ADSS2: variants seen among roughly 807,000 people sequenced by gnomAD.
The protein encoded by ADSS2 is adenylosuccinate synthetase isozyme 2.
ADSS2 carries 30 observed loss-of-function variants against 60.0 expected under a neutral mutation model. The ratio of observed to expected loss-of-function variants is 0.50; its 90% CI spans 0.37 to 0.68. ADSS2 has a LOEUF of 0.68. Ranked by LOEUF, ADSS2 falls within the 30% of genes least tolerant of loss-of-function variation. The probability of loss-of-function intolerance (pLI) is 0.00; values close to 1 mark genes in which losing one functional copy is unlikely to be tolerated. For missense variants in ADSS2, 373 were observed against 554.8 expected, an observed-to-expected ratio of 0.67 and a Z score of 3.29; for synonymous variants, 187 against 193.1, an observed-to-expected ratio of 0.97 and a Z score of 0.26.
intron 1 of ADSS2, among the ~76,000 whole-genome samples, chr1:244,443,707 GT>G (rs903494593): frequency 5.9e-5 from 9 of 152,208 alleles, no homozygotes; most frequent in African/African-American, 1.4e-4. Flanking sequence ...ATTTGACATT[GT>G]TTTTTTCAGT....
chr1:244,413,180 T>C (rs1401535541), intron 11 of ADSS2, among the ~76,000 whole-genome samples: 1 of 152,140 alleles, frequency 6.6e-6, no homozygotes, highest in African/African-American at 2.4e-5. Flanking sequence ...TAAGACTATA[T>C]TGGTATGGGA....
At chr1:244,446,794 T>C (rs1193087586) in intron 1 of ADSS2, among the ~76,000 whole-genome samples, 2 of 152,232 alleles carry the variant, frequency 1.3e-5, no homozygotes, top group African/African-American at 4.8e-5. Flanking sequence ...ACACAGCTCT[T>C]TGTAAATGTT....
intron 9 of ADSS2, among the ~76,000 whole-genome samples, 168 bp from the exon 10 acceptor site, chr1:244,417,920 G>A (rs985950617): frequency 2.0e-5 from 3 of 151,696 alleles, no homozygotes; most frequent in South Asian, 4.2e-4. Flanking sequence ...ATCTGAGGGA[G>A]GCATTATTTG....
At chr1:244,412,393 T>C (rs1664435596) in intron 11 of ADSS2, among the ~76,000 whole-genome samples, 1 of 152,130 alleles carries the variant, frequency 6.6e-6, no homozygotes, top group South Asian at 2.1e-4. Flanking sequence ...CCAGGAATGG[T>C]TAGAGGAAGA....
chr1:244,410,985 G>A (rs1295760635), intron 12 of ADSS2, among the ~76,000 whole-genome samples: 1 of 152,134 alleles, frequency 6.6e-6, no homozygotes, highest in Non-Finnish European at 1.5e-5. Context: ...CAGCACTTTG[G>A]GAGGCTGAGG....
rs762500569 is a variant in ADSS2, at chr1:244,417,741, T to C, written c.957A>G (p.Glu319=). The change falls in exon 10 of 13, where the codon GAA becomes GAG. Residue 319 remains glutamate (E), a synonymous_variant. Coordinates refer to ENST00000366535, the MANE Select transcript of ADSS2 (RefSeq NM_001126.5). ...FPTEQDNEIG[E]LLQTRGREFG... is the part of the protein sequence containing the mutation. ...ACTCTCTACCCCTTGTTTGTAATAA[T>C]TCTCCAATTTCCTACAGAACAGAAA... 3 of 1,613,392 alleles carry C rather than the reference T, an allele frequency of 1.9e-6. No individual in the cohort carries two copies. Among genetic ancestry groups the C allele is most frequent in the Admixed American group, 3.3e-5 (2 of 60,016 alleles).
chr1:244,435,951 C>A (rs1003313573), intron 3 of ADSS2, among the ~76,000 whole-genome samples: 1 of 152,162 alleles, frequency 6.6e-6, no homozygotes, highest in African/African-American at 2.4e-5. Flanking sequence ...GTTGGCACAT[C>A]CAGCTAGTAC....
At chr1:244,444,377 T>C (rs933255551) in intron 1 of ADSS2, among the ~76,000 whole-genome samples, 5 of 147,498 alleles carry the variant, frequency 3.4e-5, no homozygotes, top group Non-Finnish European at 4.5e-5. Context: ...TAGCCGGGCG[T>C]AGTGGCGGGC....
intron 9 of ADSS2, 90 bp downstream of exon 9, chr1:244,418,670 G>T: frequency 7.6e-7 from 1 of 1,319,012 alleles, no homozygotes; most frequent in East Asian, 2.7e-5. Flanking sequence ...TGCAAATTAA[G>T]TGAAAGGCAC....
At chr1:244,434,193 A>C (rs1665024604) in intron 3 of ADSS2, among the ~76,000 whole-genome samples, 2 of 151,884 alleles carry the variant, frequency 1.3e-5, no homozygotes, top group African/African-American at 4.8e-5. Flanking sequence ...AAAAAAAAAA[A>C]AAAATTAAAA....
At chr1:244,410,735 C>T (rs1432205565) in intron 12 of ADSS2, among the ~76,000 whole-genome samples, 1 of 151,786 alleles carries the variant, frequency 6.6e-6, no homozygotes, top group South Asian at 2.1e-4. Context: ...AAAAAACAGA[C>T]TAAGAATTAA....
rs551587862 is a variant in ADSS2, at chr1:244,434,245, A to G, written c.356-1650T>C. On this transcript the variant is annotated intron_variant, in intron 3 of 12. Transcript: ENST00000366535. ...GTGGCATGTGCCTACAGTCCCAGCTACTCGGGAGGCCGAAGCAGGAGGACT... is the reference window on the plus strand; with the variant it reads ...GTGGCATGTGCCTACAGTCCCAGCTGCTCGGGAGGCCGAAGCAGGAGGACT... Among the ~76,000 whole-genome samples the G allele has an allele frequency of 3.0e-4, 45 of 151,914 alleles. No homozygotes were observed. In the East Asian group the frequency reaches 8.1e-3, roughly 27 times the overall value.
intron 10 of ADSS2, among the ~76,000 whole-genome samples, chr1:244,416,313 T>C (rs1664531368): frequency 6.6e-6 from 1 of 152,188 alleles, no homozygotes; most frequent in South Asian, 2.1e-4. Flanking sequence ...GAATTTTGCT[T>C]AGCTTTCTTT....
At position 244,415,810 on chromosome 1, in the gene ADSS2, A is replaced by C. The variant is rs576374487; in HGVS notation, c.1168+171T>G. On this transcript the variant is annotated intron_variant, in intron 11 of 12. Coordinates refer to ENST00000366535, the MANE Select transcript of ADSS2 (RefSeq NM_001126.5). ...CTTGTTGTGACCCAACACCTAAATA[A>C]GTATTAGCTATGAACCAAATAACTA... 1.2e-4 allele frequency among the ~76,000 whole-genome samples: 18 copies of C among 152,340 alleles called. No homozygotes were observed. The South Asian group carries it at 3.5e-3, about 30-fold the overall frequency.
At chr1:244,429,669 C>A (rs192426205) in intron 4 of ADSS2, among the ~76,000 whole-genome samples, 268 of 152,242 alleles carry the variant, frequency 1.8e-3, no homozygotes, top group Non-Finnish European at 2.8e-4. Context: ...CATTTGAGGT[C>A]AGGAGTTCAA....
intron 4 of ADSS2, among the ~76,000 whole-genome samples, chr1:244,431,381 T>A (rs1664940807): frequency 6.6e-6 from 1 of 152,210 alleles, no homozygotes; most frequent in South Asian, 2.1e-4. Flanking sequence ...GTCTTGGTTA[T>A]GCATCTATGC....
chr1:244,436,157 T>C (rs75471425), intron 3 of ADSS2, among the ~76,000 whole-genome samples: 1,916 of 152,354 alleles, frequency 0.013, 25 homozygotes, highest in Admixed American at 0.019. Context: ...TGTGGTGTCA[T>C]GTCTGTGTTC....
Position 244,451,683 on chromosome 1 carries a change from C to T in ADSS2, c.135G>A (p.Lys45=), listed in dbSNP as rs1558285474. The T allele has an allele frequency of 3.7e-6, 6 of 1,612,608 alleles. No individual in the cohort carries two copies. Among genetic ancestry groups the T allele is most frequent in the Non-Finnish European group, 5.1e-6 (6 of 1,179,424 alleles). The change falls in exon 1 of 13, where the codon AAG becomes AAA. Residue 45 remains lysine, a synonymous_variant. Transcript: ENST00000366535. This position sits in a 1 kb window ranked among gnomAD's most constrained non-coding sequence, Gnocchi z 6.6. Reference sequence around the variant, plus strand: ...CGTCCTGCGCCAGCAGGTCCACCACCTTCCCTTTGCCTTCGTCGCCCCACT... The same window carrying T: ...CGTCCTGCGCCAGCAGGTCCACCACTTTCCCTTTGCCTTCGTCGCCCCACT... ...GAQWGDEGKG[K]VVDLLAQDAD...
At chr1:244,436,338 T>C (rs1363052230) in intron 3 of ADSS2, among the ~76,000 whole-genome samples, 1 of 152,250 alleles carries the variant, frequency 6.6e-6, no homozygotes, top group Non-Finnish European at 1.5e-5. Context: ...TCCAGGACTA[T>C]TTATTTTAAG....
Sources: allele counts gnomAD v4.1 joint callset (sites outside exome capture counted in the v4.1 genomes callset), GRCh38; gene constraint gnomAD v4.1.1; non-coding constraint Gnocchi (gnomAD v3.1); transcripts MANE v1.5; gene names NCBI Gene and HGNC (gene_info 2026-07-23, HGNC 2026-07-21).